Variants in CD96 observed in about 807,000 individuals in gnomAD.
CD96 encodes the protein T-cell surface protein tactile.
In CD96, 70 loss-of-function variants were observed where a neutral mutation model predicts 71.3. The ratio of observed to expected loss-of-function variants is 0.98; its 90% CI spans 0.81 to 1.20. CD96 has a LOEUF of 1.20. Ranked by LOEUF, CD96 falls within the 50% of genes most tolerant of loss-of-function variation. The probability of loss-of-function intolerance (pLI) is 0.00; values close to 1 mark genes in which losing one functional copy is unlikely to be tolerated. For synonymous variants in CD96, 248 were observed against 233.0 expected, an observed-to-expected ratio of 1.06 and a Z score of -0.59; for missense variants, 742 against 677.5, an observed-to-expected ratio of 1.10 and a Z score of -1.06.
At chr3:111,643,117 C>T (rs1439083742) in intron 12 of CD96, among the ~76,000 whole-genome samples, 4 of 142,372 alleles carry the variant, frequency 2.8e-5, no homozygotes, top group African/African-American at 1.0e-4. Flanking sequence ...AACAACATAT[C>T]AAAAGGATAA....
chr3:111,542,329 C>A lies in CD96; in HGVS notation c.61+20C>A. On this transcript the variant is annotated intron_variant, in intron 1 of 13. Coordinates refer to ENST00000352690, the MANE Select transcript of CD96 (RefSeq NM_005816.5). ...TCAAGGGTAAGACTTCCAGTTGTCCCTTCTTGTCGGATGGGCCGCTTTAGG... is the reference window on the plus strand; with the variant it reads ...TCAAGGGTAAGACTTCCAGTTGTCCATTCTTGTCGGATGGGCCGCTTTAGG... 1 of 1,604,358 alleles carries A rather than the reference C, an allele frequency of 6.2e-7. No individual in the cohort carries two copies. The highest frequency in any genetic ancestry group is 1.7e-5 in the Admixed American group (1 of 60,014).
chr3:111,662,992 G>C (rs1450779088), intron 14 of CD96, among the ~76,000 whole-genome samples: 1 of 152,168 alleles, frequency 6.6e-6, no homozygotes. Flanking sequence ...ACCTGAGACT[G>C]AGTAATTTAT....
chr3:111,644,138 C>T (rs1341241276), intron 12 of CD96, among the ~76,000 whole-genome samples: 1 of 152,142 alleles, frequency 6.6e-6, no homozygotes, highest in African/African-American at 2.4e-5. Flanking sequence ...AAAATACGCA[C>T]ATAGACCAAT....
rs900101800 is a variant in CD96 at position 111,647,532 on chromosome 3, G to A, written c.1478-11G>A. 2.5e-6 allele frequency: 4 copies of A among 1,611,098 alleles called. No individual in the cohort carries two copies. Among genetic ancestry groups the A allele is most frequent in the Non-Finnish European group, 3.4e-6 (4 of 1,177,550 alleles). On this transcript the variant is annotated splice_polypyrimidine_tract_variant and intron_variant, in intron 12 of 13. Coordinates refer to ENST00000352690, the MANE Select transcript of CD96 (RefSeq NM_005816.5). ...GGGATTAAAGTTCATCTTTCTTTAT[G>A]CCCTTTTCAGGTATTGTGGTCAATA...
chr3:111,562,038 G>A (rs1935460137), intron 2 of CD96, among the ~76,000 whole-genome samples: 1 of 152,176 alleles, frequency 6.6e-6, no homozygotes, highest in African/African-American at 2.4e-5. Flanking sequence ...GCACTTCCCA[G>A]GTGAGGCAAT....
intron 1 of CD96, 21 bp downstream of exon 1, chr3:111,542,330 T>G (rs748301991): frequency 1.2e-6 from 2 of 1,600,302 alleles, no homozygotes; most frequent in South Asian, 2.2e-5. Context: ...CAGTTGTCCC[T>G]TCTTGTCGGA....
At chr3:111,597,975 A>G (rs1036245337) in intron 5 of CD96, 145 bp from the exon 6 acceptor site, 7 of 659,410 alleles carry the variant, frequency 1.1e-5, no homozygotes, top group South Asian at 1.0e-4. Context: ...AACACAACCT[A>G]TATTAAAAGT....
intron 3 of CD96, 147 bp from the exon 4 acceptor site, chr3:111,578,880 T>C: frequency 1.5e-6 from 1 of 675,718 alleles, no homozygotes; most frequent in Admixed American, 2.1e-5. Context: ...ATACTTTCTC[T>C]AGTAATATAC....
At chr3:111,558,849 G>A (rs1434054736) in intron 2 of CD96, among the ~76,000 whole-genome samples, 2 of 150,570 alleles carry the variant, frequency 1.3e-5, no homozygotes, top group African/African-American at 2.4e-5. Flanking sequence ...GACTCTTTTT[G>A]GTTGGTAAAC....
chr3:111,578,496 T>G (rs958758595), intron 3 of CD96, among the ~76,000 whole-genome samples: 2 of 152,216 alleles, frequency 1.3e-5, no homozygotes, highest in African/African-American at 4.8e-5. Context: ...AGGTACTCAC[T>G]GTTGGGTGTC....
chr3:111,611,202 A>G (rs778354024), intron 8 of CD96, among the ~76,000 whole-genome samples: 7 of 152,192 alleles, frequency 4.6e-5, no homozygotes, highest in Non-Finnish European at 1.0e-4. Flanking sequence ...GGATACTTAG[A>G]GTAAAACACT....
intron 5 of CD96, chr3:111,593,668 C>T: frequency 9.3e-6 from 15 of 1,611,578 alleles, no homozygotes; most frequent in Non-Finnish European, 1.2e-5. Flanking sequence ...CCAGGGCTCG[C>T]TCCCTTTTTT....
chr3:111,562,549 A>G (rs1935505130), intron 2 of CD96, among the ~76,000 whole-genome samples: 1 of 152,188 alleles, frequency 6.6e-6, no homozygotes, highest in Non-Finnish European at 1.5e-5. Context: ...TTTTATACTA[A>G]TAGTTATTTT....
intron 5 of CD96, chr3:111,593,633 T>A: frequency 1.9e-6 from 3 of 1,598,882 alleles, no homozygotes; most frequent in Non-Finnish European, 2.6e-6. Flanking sequence ...CCACTTCATC[T>A]CCAGGATGGC....
At chr3:111,560,233 G>GA (rs1447611031) in intron 2 of CD96, among the ~76,000 whole-genome samples, 17 of 151,902 alleles carry the variant, frequency 1.1e-4, no homozygotes, top group African/African-American at 4.1e-4. Flanking sequence ...TGTTATGTGT[G>GA]AATTTGATCC....
chr3:111,582,435 TA>T (rs1343127784), intron 4 of CD96, among the ~76,000 whole-genome samples: 1 of 152,188 alleles, frequency 6.6e-6, no homozygotes, highest in African/African-American at 2.4e-5. Context: ...CAGAGGCACT[TA>T]AAATCTAGTA....
chr3:111,545,440 C>A, intron 2 of CD96, 38 bp downstream of exon 2: 2 of 1,266,084 alleles, frequency 1.6e-6, no homozygotes, highest in South Asian at 1.2e-5. Flanking sequence ...TTTCATTCAG[C>A]TCTCTCTCAT....
chr3:111,566,362 A>T (rs1430327980), intron 2 of CD96, among the ~76,000 whole-genome samples: 1 of 152,084 alleles, frequency 6.6e-6, no homozygotes, highest in African/African-American at 2.4e-5. Context: ...AAACTGAAAG[A>T]GCATAATGAT....
chr3:111,589,232 G>A (rs767477482), intron 5 of CD96, among the ~76,000 whole-genome samples: 1 of 152,098 alleles, frequency 6.6e-6, no homozygotes, highest in Non-Finnish European at 1.5e-5. Flanking sequence ...TTACAGGCAT[G>A]AGCCACCATG....
Sources: gnomAD v4.1 joint callset for allele counts (sites outside exome capture counted in the v4.1 genomes callset) on GRCh38, gnomAD v4.1.1 for gene constraint, MANE v1.5 for transcripts, NCBI Gene and HGNC (gene_info 2026-07-23, HGNC 2026-07-21) for gene names.